The following CABLES1 variants were observed in gnomAD, a reference collection of about 807,000 sequenced individuals.
The protein encoded by CABLES1 is Cdk5 and Abl enzyme substrate 1.
In CABLES1, 36 loss-of-function variants were observed where a neutral mutation model predicts 57.8. That is an observed-to-expected ratio of 0.62 (90% confidence interval 0.48 to 0.82). The LOEUF is 0.82. CABLES1 is among the 40% of genes least tolerant of loss of function. CABLES1 has a pLI of 0.00. For synonymous variants in CABLES1, 374 were observed against 363.0 expected, an observed-to-expected ratio of 1.03 and a Z score of -0.35; for missense variants, 767 against 836.6, an observed-to-expected ratio of 0.92 and a Z score of 1.03.
intron 4 of CABLES1, among the ~76,000 whole-genome samples, chr18:23,233,720 A>G (rs1204170433): frequency 6.6e-6 from 1 of 152,222 alleles, no homozygotes; most frequent in Admixed American, 6.5e-5. Context: ...CCCTGAATGA[A>G]TGAATGAATG....
At chr18:23,147,977 T>C (rs1598798187) in intron 1 of CABLES1, among the ~76,000 whole-genome samples, 2 of 124,910 alleles carry the variant, frequency 1.6e-5, no homozygotes, top group Non-Finnish European at 1.6e-5. Flanking sequence ...CTGCTTGGCC[T>C]CCTTTTTTTT....
At chr18:23,170,835 C>T (rs1472115464) in intron 1 of CABLES1, among the ~76,000 whole-genome samples, 4 of 152,206 alleles carry the variant, frequency 2.6e-5, no homozygotes, top group African/African-American at 9.6e-5. Context: ...CTTGCTCTAT[C>T]TCCCAGGCTG....
At chr18:23,249,009 C>T (rs546179501) in intron 7 of CABLES1, among the ~76,000 whole-genome samples, 27 of 152,306 alleles carry the variant, frequency 1.8e-4, no homozygotes, top group Admixed American at 8.5e-4. Flanking sequence ...GGGAAACTGG[C>T]GCTGGCACTG....
chr18:23,229,735 A>G (rs970336362), intron 4 of CABLES1, among the ~76,000 whole-genome samples: 11 of 152,320 alleles, frequency 7.2e-5, no homozygotes, highest in African/African-American at 2.6e-4. Context: ...TTTGGAGCGA[A>G]TCTCCACCAT....
At chr18:23,212,120 C>T (rs1193117886) in intron 3 of CABLES1, among the ~76,000 whole-genome samples, 3 of 152,268 alleles carry the variant, frequency 2.0e-5, no homozygotes, top group African/African-American at 7.2e-5. Flanking sequence ...CCTGGCAGCA[C>T]TGCCTTTCAG....
At chr18:23,155,762 T>A in intron 1 of CABLES1, 1 of 1,455,010 alleles carries the variant, frequency 6.9e-7, no homozygotes, top group Non-Finnish European at 9.1e-7. Context: ...CCTATGGCTT[T>A]AAGAAAATGG....
chr18:23,241,671 C>A (rs1280440270), intron 7 of CABLES1, among the ~76,000 whole-genome samples: 1 of 152,202 alleles, frequency 6.6e-6, no homozygotes, highest in Non-Finnish European at 1.5e-5. Context: ...TTTAATTTCT[C>A]TTGGGGTAAA....
At chr18:23,152,748 G>A (rs1010664192) in intron 1 of CABLES1, among the ~76,000 whole-genome samples, 6 of 152,156 alleles carry the variant, frequency 3.9e-5, no homozygotes, top group Admixed American at 1.3e-4. Context: ...GCCTCCCAAA[G>A]TGCTGGGATT....
intron 7 of CABLES1, among the ~76,000 whole-genome samples, chr18:23,243,841 C>T (rs1261425117): frequency 2.0e-5 from 3 of 149,198 alleles, no homozygotes; most frequent in South Asian, 4.3e-4. Context: ...CACTGTACCC[C>T]GGCCTGGGCG....
At chr18:23,219,749 G>A (rs1281237562) in intron 4 of CABLES1, among the ~76,000 whole-genome samples, 1 of 152,196 alleles carries the variant, frequency 6.6e-6, no homozygotes, top group Non-Finnish European at 1.5e-5. Flanking sequence ...AGTGCAAAAG[G>A]TTGTTCTCAT....
At chr18:23,237,942 G>A (rs1446965150) in intron 7 of CABLES1, among the ~76,000 whole-genome samples, 1 of 151,990 alleles carries the variant, frequency 6.6e-6, no homozygotes, top group African/African-American at 2.4e-5. Flanking sequence ...AGGAGGGGGA[G>A]CTGCACTTTC....
chr18:23,246,265 C>CAA (rs111345466), intron 7 of CABLES1, among the ~76,000 whole-genome samples: 36,905 of 140,442 alleles, frequency 0.26, 5,438 homozygotes, highest in Non-Finnish European at 0.36. Context: ...GACTCCATCT[C>CAA]AAAAAAAAAA....
intron 1 of CABLES1, among the ~76,000 whole-genome samples, chr18:23,137,006 C>G (rs1158790719): frequency 1.3e-5 from 2 of 152,268 alleles, no homozygotes; most frequent in Non-Finnish European, 2.9e-5. Flanking sequence ...TGGAGCAGTG[C>G]AGGCCGGCAG....
At chr18:23,160,397 A>G (rs2046995335) in intron 1 of CABLES1, among the ~76,000 whole-genome samples, 2 of 152,152 alleles carry the variant, frequency 1.3e-5, no homozygotes, top group African/African-American at 4.8e-5. Flanking sequence ...GCAATGGAAA[A>G]CACATAGGCA....
chr18:23,258,837 T>TGAC lies in CABLES1; in HGVS notation c.*1471_*1473dup. On this transcript the variant is annotated 3_prime_UTR_variant, in exon 10 of 10. Transcript: ENST00000256925. ...TTCGTTAGCAGAGCTGTCAGATTCT[T>TGAC]GACAGTCTTGGAGGATGGAGAAATT... 6.6e-6 allele frequency: 1 copy of TGAC among 152,216 alleles called. No individual in the cohort carries two copies. The highest frequency in any genetic ancestry group is 1.5e-5 in the Non-Finnish European group (1 of 68,012). The allele number at this position is 152,216 out of a possible 1,614,324, so 9.4% of individuals were successfully genotyped here.
At chr18:23,222,336 TTATAA>T (rs976123673) in intron 4 of CABLES1, among the ~76,000 whole-genome samples, 22 of 152,078 alleles carry the variant, frequency 1.4e-4, no homozygotes, top group African/African-American at 5.3e-4. Context: ...GTCTCAGGGC[TTATAA>T]TATACATTTT....
intron 3 of CABLES1, among the ~76,000 whole-genome samples, chr18:23,208,770 G>A (rs2047382705): frequency 6.6e-6 from 1 of 152,294 alleles, no homozygotes; most frequent in South Asian, 2.1e-4. Flanking sequence ...GTGGAGACTG[G>A]AAGCGCGGGG....
Position 23,258,706 on chromosome 18 carries a change from A to G in CABLES1, c.*1339A>G, listed in dbSNP as rs766178323. ...GTCTCACCAGTCACCTTTGCCCTGCATTGCTGATCCCCTTGCGCACACTGA... is the reference window on the plus strand; with the variant it reads ...GTCTCACCAGTCACCTTTGCCCTGCGTTGCTGATCCCCTTGCGCACACTGA... On this transcript the variant is annotated 3_prime_UTR_variant, in exon 10 of 10. Coordinates refer to ENST00000256925, the MANE Select transcript of CABLES1 (RefSeq NM_001100619.3). 1.3e-5 allele frequency: 2 copies of G among 152,256 alleles called. No homozygotes were observed. Among genetic ancestry groups the G allele is most frequent in the Non-Finnish European group, 2.9e-5 (2 of 68,072 alleles). The allele number at this position is 152,256 out of a possible 1,614,324, so 9.4% of individuals were successfully genotyped here.
At chr18:23,155,966 G>A in intron 1 of CABLES1, 1 of 1,614,160 alleles carries the variant, frequency 6.2e-7, no homozygotes, top group Non-Finnish European at 8.5e-7. Context: ...AGTTGTCAGA[G>A]GATCGCCTGG....
Sources: gnomAD v4.1 joint callset for allele counts (sites outside exome capture counted in the v4.1 genomes callset) on GRCh38, gnomAD v4.1.1 for gene constraint, MANE v1.5 for transcripts, NCBI Gene and HGNC (gene_info 2026-07-23, HGNC 2026-07-21) for gene names.